The following SLC12A6 variants were observed in gnomAD, a reference collection of about 807,000 sequenced individuals.
SLC12A6 encodes the protein solute carrier family 12 member 6.
SLC12A6 carries 66 observed loss-of-function variants against 135.3 expected under a neutral mutation model. That is an observed-to-expected ratio of 0.49 (90% CI 0.40 to 0.60). SLC12A6 has a LOEUF of 0.60. Ranked by LOEUF, SLC12A6 falls within the 20% of genes least tolerant of loss-of-function variation. The probability of loss-of-function intolerance (pLI) is 0.00; values close to 1 mark genes in which losing one functional copy is unlikely to be tolerated. For missense variants in SLC12A6, 1,058 were observed against 1,452.3 expected (o/e 0.73, Z 4.41); for synonymous variants, 513 against 508.8 (o/e 1.01, Z -0.11).
chr15:34,253,975 G>A (rs1040656280), intron 9 of SLC12A6, among the ~76,000 whole-genome samples: 8 of 152,184 alleles, frequency 5.3e-5, no homozygotes, highest in African/African-American at 1.2e-4. Context: ...CCAGCACGTC[G>A]GGAGGCCAAG....
At chr15:34,262,780 C>CA (rs1325608317) in intron 3 of SLC12A6, among the ~76,000 whole-genome samples, 3 of 152,334 alleles carry the variant, frequency 2.0e-5, no homozygotes, top group African/African-American at 7.2e-5. Flanking sequence ...GCTTCTGTCT[C>CA]ACTGCTTGGA....
intron 2 of SLC12A6, among the ~76,000 whole-genome samples, chr15:34,311,698 G>C (rs995865118): frequency 8.5e-5 from 13 of 152,150 alleles, no homozygotes; most frequent in African/African-American, 2.9e-4. Flanking sequence ...CTATCCCACA[G>C]AGTGGAGAAA....
At chr15:34,235,413 GGATAATCT>G in intron 24 of SLC12A6, 99 bp from the exon 25 acceptor site, 1 of 843,830 alleles carries the variant, frequency 1.2e-6, no homozygotes, top group Non-Finnish European at 1.9e-6. Context: ...ACTTGACTAT[GGATAATCT>G]GATAAAATGA....
chr15:34,269,468 T>G (rs1893760097), intron 3 of SLC12A6, among the ~76,000 whole-genome samples: 1 of 152,216 alleles, frequency 6.6e-6, no homozygotes. Flanking sequence ...AGCTTCCTGA[T>G]CTTGTCAAAT....
Position 34,233,716 on chromosome 15 carries a change from A to C in SLC12A6, c.*165T>G. ...CTGTAATGACTGCAGATCAGATGGG[A>C]GCTCTTTTACACAGGTACTTGAGGC... On this transcript the variant is annotated 3_prime_UTR_variant, in exon 26 of 26. Transcript: ENST00000354181. 1.5e-6 allele frequency: 1 copy of C among 665,942 alleles called. No individual in the cohort carries two copies. The highest frequency in any genetic ancestry group is 2.8e-6 in the Non-Finnish European group (1 of 360,212). 41.3% of individuals were successfully genotyped at this position (665,942 alleles called of 1,614,324 possible).
intron 2 of SLC12A6, among the ~76,000 whole-genome samples, chr15:34,333,232 C>CTTTT (rs572611561): frequency 7.5e-6 from 1 of 133,486 alleles, no homozygotes; most frequent in African/African-American, 2.8e-5. Flanking sequence ...TTTTCTTTTT[C>CTTTT]TTTTTTTTTT....
intron 2 of SLC12A6, among the ~76,000 whole-genome samples, chr15:34,321,870 A>G (rs889607781): frequency 6.6e-5 from 10 of 152,266 alleles, no homozygotes; most frequent in Non-Finnish European, 1.5e-4. Context: ...AGAAGAGTAC[A>G]TAATATGTGA....
At chr15:34,276,901 T>C (rs1341945977) in intron 2 of SLC12A6, among the ~76,000 whole-genome samples, 3 of 152,176 alleles carry the variant, frequency 2.0e-5, no homozygotes, top group Admixed American at 6.5e-5. Context: ...GTTTCTGATG[T>C]ATATTGGAGT....
In SLC12A6 at chr15:34,260,977, G is replaced by A; in HGVS notation, c.360C>T (p.Ser120=). 1 of 1,579,958 alleles carries A rather than the reference G, an allele frequency of 6.3e-7. No homozygotes were observed. Among genetic ancestry groups the A allele is most frequent in the Non-Finnish European group, 8.7e-7 (1 of 1,149,304 alleles). The part of the protein sequence containing the change: ...KKARNAYLNN[S]NYEEGDEYFD... ...AATATTCATCTCCTTCTTCATAATT[G>A]GAATTATTGAGATAAGCATTTCGAG... Residue 120 remains serine (S), a synonymous_variant, in exon 4 of 26, where the codon TCC becomes TCT. Coordinates refer to ENST00000354181, the MANE Select transcript of SLC12A6 (RefSeq NM_001365088.1).
intron 2 of SLC12A6, among the ~76,000 whole-genome samples, chr15:34,327,678 A>G (rs1358217430): frequency 1.3e-5 from 2 of 152,102 alleles, no homozygotes; most frequent in Non-Finnish European, 2.9e-5. Flanking sequence ...AAAATTAGAT[A>G]TGGTAAATGC....
chr15:34,235,361 C>A, intron 24 of SLC12A6, 47 bp from the exon 25 acceptor site: 1 of 1,556,286 alleles, frequency 6.4e-7, no homozygotes, highest in Non-Finnish European at 8.9e-7. Context: ...AGACAACTAG[C>A]CATAAAGTCA....
chr15:34,323,246 A>G lies in SLC12A6; in HGVS notation c.271+13164T>C, dbSNP rs566132922. Among the ~76,000 whole-genome samples the G allele has an allele frequency of 2.0e-5, 3 of 152,186 alleles. No individual in the cohort carries two copies. In the East Asian group the frequency reaches 5.8e-4, roughly 29 times the overall value. On this transcript the variant is annotated intron_variant, in intron 2 of 25. Transcript: ENST00000354181. ...ACAAAGGAAGATATGCAAACCACTAAAAACCGCTGAAACAGTGCTCATCCC... is the reference window on the plus strand; with the variant it reads ...ACAAAGGAAGATATGCAAACCACTAGAAACCGCTGAAACAGTGCTCATCCC...
chr15:34,318,775 G>C, intron 2 of SLC12A6: 1 of 1,587,278 alleles, frequency 6.3e-7, no homozygotes, highest in Non-Finnish European at 8.6e-7. Context: ...TTCAGACTGT[G>C]ATCCCTGCCT....
At chr15:34,279,809 A>G (rs1234822938) in intron 2 of SLC12A6, among the ~76,000 whole-genome samples, 1 of 152,232 alleles carries the variant, frequency 6.6e-6, no homozygotes, top group Non-Finnish European at 1.5e-5. Flanking sequence ...ATAAGTCAAA[A>G]TGATAGATCA....
chr15:34,269,065 C>A (rs1893727764), intron 3 of SLC12A6, among the ~76,000 whole-genome samples: 1 of 151,916 alleles, frequency 6.6e-6, no homozygotes, highest in Non-Finnish European at 1.5e-5. Context: ...GCCATGTTGG[C>A]CAGGCTGGTC....
At chr15:34,244,098 G>T in intron 15 of SLC12A6, 26 bp from the exon 16 acceptor site, 1 of 1,182,234 alleles carries the variant, frequency 8.5e-7, no homozygotes, top group South Asian at 1.2e-5. Flanking sequence ...TAAGAGGAAT[G>T]ATTATTACTG....
intron 2 of SLC12A6, among the ~76,000 whole-genome samples, chr15:34,278,895 T>C (rs1009552109): frequency 2.4e-5 from 3 of 127,428 alleles, no homozygotes; most frequent in African/African-American, 9.0e-5. Context: ...TGTAGTTCCC[T>C]ACAAGTTCAA....
Position 34,236,160 on chromosome 15 carries a change from T to A in SLC12A6, c.3082A>T (p.Thr1028Ser). ...TCGTCCTCATCAGAGCCAATGCTGG[T>A]CAATCGTAGCATTGAGTTTCGGTCT... is the stretch of plus-strand genomic sequence containing the variant. The part of the protein sequence containing the change: ...VKDRNSMLRL[T>S]SIGSDEDEET... The change falls in exon 24 of 26, where the codon ACC becomes TCC. Residue 1028 changes from threonine to serine, a missense_variant. Transcript: ENST00000354181. 6.2e-7 allele frequency: 1 copy of A among 1,613,884 alleles called. No individual in the cohort carries two copies. Among genetic ancestry groups the A allele is most frequent in the Non-Finnish European group, 8.5e-7 (1 of 1,179,722 alleles).
chr15:34,310,475 AGTGT>A (rs58752500), intron 2 of SLC12A6, among the ~76,000 whole-genome samples: 3 of 41,624 alleles, frequency 7.2e-5, no homozygotes, highest in African/African-American at 1.7e-4. Flanking sequence ...CCTGGGCTCA[AGTGT>A]GTGTGTGTGT....
Sources: gnomAD v4.1 joint callset for allele counts (sites outside exome capture counted in the v4.1 genomes callset) on GRCh38, gnomAD v4.1.1 for gene constraint, MANE v1.5 for transcripts, NCBI Gene and HGNC (gene_info 2026-07-23, HGNC 2026-07-21) for gene names.